Variants in MICU3 observed in about 807,000 individuals in gnomAD.
MICU3 encodes the protein mitochondrial calcium uptake 3, also known as calcium uptake protein 3, mitochondrial.
A neutral mutation model predicts 66.5 loss-of-function variants in MICU3; 62 were observed. The observed-to-expected ratio is 0.93, with a 90% CI of 0.76 to 1.15. The LOEUF is 1.15. Among genes scored for constraint, MICU3 ranks in the 50% most tolerant of loss-of-function variants. The pLI is 0.00. For missense variants in MICU3, 779 were observed against 664.4 expected (o/e 1.17, Z -1.90); for synonymous variants, 308 against 240.7 (o/e 1.28, Z -2.59).
chr8:17,030,863 G>C (rs987542859), intron 1 of MICU3, among the ~76,000 whole-genome samples: 2 of 152,092 alleles, frequency 1.3e-5, no homozygotes, highest in African/African-American at 4.8e-5. Context: ...TAGTGCCTCT[G>C]TTCTCTTAAG....
At chr8:17,047,400 T>TGG (rs1323047319) in intron 1 of MICU3, among the ~76,000 whole-genome samples, 2 of 152,172 alleles carry the variant, frequency 1.3e-5, no homozygotes, top group Non-Finnish European at 2.9e-5. Context: ...AATTCATCTA[T>TGG]TAGGGGTTAC....
chr8:17,027,289 C>A lies in MICU3; in HGVS notation c.10C>A (p.Leu4Met), dbSNP rs1210156287. The A allele has an allele frequency of 3.1e-6, 4 of 1,302,736 alleles. No individual in the cohort carries two copies. The highest frequency in any genetic ancestry group is 4.0e-6 in the Non-Finnish European group (4 of 1,007,074). The allele number at this position is 1,302,736 out of a possible 1,614,324, so 80.7% of individuals were successfully genotyped here. Residue 4 changes from leucine (L) to methionine (M), a missense_variant, in exon 1 of 15, where the codon CTG (leucine) becomes ATG (methionine). Coordinates refer to ENST00000318063, the MANE Select transcript of MICU3 (RefSeq NM_181723.3). ...GTGGGCGGCCTCCGCTATGGCTGCG[C>A]TGCGAAGGCTCTTGTGGCCGCCACC... is the stretch of plus-strand genomic sequence containing the variant. MAA[L>M]RRLLWPPPRV...
chr8:17,048,797 A>T (rs1029318750), intron 1 of MICU3, among the ~76,000 whole-genome samples: 1 of 151,980 alleles, frequency 6.6e-6, no homozygotes. Flanking sequence ...TTTTAAAAAA[A>T]TTGTAGAGAC....
the MICU3 span, among the ~76,000 whole-genome samples, chr8:17,136,944 C>T: frequency 2.0e-5 from 3 of 151,746 alleles, no homozygotes; most frequent in South Asian, 2.1e-4. Context: ...AAGTGATTCT[C>T]CTGCCTCAGC....
At chr8:17,067,594 T>C (rs188465222) in intron 2 of MICU3, among the ~76,000 whole-genome samples, 4 of 152,216 alleles carry the variant, frequency 2.6e-5, no homozygotes, top group Middle Eastern at 3.4e-3. Flanking sequence ...CATGCCCAGC[T>C]AATTTTTGTA....
intron 10 of MICU3, among the ~76,000 whole-genome samples, chr8:17,104,713 CGGCCGGGCGCGG>C (rs1801586600): frequency 8.4e-6 from 1 of 118,978 alleles, no homozygotes. Flanking sequence ...TTCCAGATAT[CGGCCGGGCGCGG>C]TGGCTCACGC....
chr8:17,090,999 G>A (rs1799986551), intron 8 of MICU3, among the ~76,000 whole-genome samples: 1 of 151,910 alleles, frequency 6.6e-6, no homozygotes, highest in Non-Finnish European at 1.5e-5. Context: ...GTGTCTTAAT[G>A]GATAGACTTT....
intron 1 of MICU3, among the ~76,000 whole-genome samples, chr8:17,055,983 G>A (rs975475681): frequency 1.3e-5 from 2 of 152,148 alleles, no homozygotes; most frequent in Admixed American, 6.5e-5. Flanking sequence ...TCACCTAACT[G>A]CCTGCCTGTA....
intron 9 of MICU3, chr8:17,102,513 G>T (rs1048788394): frequency 2.0e-5 from 3 of 151,608 alleles, no homozygotes; most frequent in African/African-American, 4.8e-5. Context: ...AAAGCTGAAG[G>T]TTAAAAAAAG....
chr8:17,031,522 C>T (rs1002327718), intron 1 of MICU3, among the ~76,000 whole-genome samples: 1 of 151,830 alleles, frequency 6.6e-6, no homozygotes, highest in Non-Finnish European at 1.5e-5. Context: ...CTCCTGACCT[C>T]AAGTTCCGCC....
At chr8:17,045,043 C>CT (rs879894331) in intron 1 of MICU3, among the ~76,000 whole-genome samples, 48 of 141,534 alleles carry the variant, frequency 3.4e-4, no homozygotes, top group South Asian at 1.4e-3. Flanking sequence ...AACCAGGGCT[C>CT]TTTTTTTTTT....
At chr8:17,067,922 C>CTGAT (rs3988332) in intron 2 of MICU3, among the ~76,000 whole-genome samples, 93,168 of 151,608 alleles carry the variant, frequency 0.61, 30,529 homozygotes, top group East Asian at 0.86. Flanking sequence ...GTTGAGATAT[C>CTGAT]TGTTGATTAT....
the MICU3 span, among the ~76,000 whole-genome samples, chr8:17,135,383 G>A: frequency 2.9e-4 from 44 of 150,106 alleles, no homozygotes; most frequent in Admixed American, 2.8e-3. Context: ...GGGCAGCAGA[G>A]CAAGACTGTC....
At chr8:17,100,278 C>G (rs983467113) in intron 9 of MICU3, among the ~76,000 whole-genome samples, 1 of 151,196 alleles carries the variant, frequency 6.6e-6, no homozygotes, top group African/African-American at 2.4e-5. Flanking sequence ...ACACTCTGAT[C>G]CAAAGCTGCT....
the MICU3 span, among the ~76,000 whole-genome samples, chr8:17,137,682 G>A: frequency 3.3e-5 from 5 of 150,394 alleles, no homozygotes; most frequent in African/African-American, 1.2e-4. Context: ...AACAGACAAG[G>A]GAAAGAGTAA....
intron 1 of MICU3, among the ~76,000 whole-genome samples, chr8:17,028,573 T>C (rs998636604): frequency 6.6e-6 from 1 of 152,208 alleles, no homozygotes; most frequent in African/African-American, 2.4e-5. Context: ...AACAGAGAGC[T>C]ATGCTGTTTC....
chr8:17,120,545 A>G lies in MICU3; in HGVS notation c.*258A>G, dbSNP rs535739713. ...TTTGCTGAACTCTCTGCACTTTTTC[A>G]TTCCCTTCAGAAGTATATAGATACT... On this transcript the variant is annotated 3_prime_UTR_variant, in exon 15 of 15. Coordinates refer to ENST00000318063, the MANE Select transcript of MICU3 (RefSeq NM_181723.3). 6.6e-6 allele frequency: 1 copy of G among 152,228 alleles called. No individual in the cohort carries two copies. Among genetic ancestry groups the G allele is most frequent in the Non-Finnish European group, 1.5e-5 (1 of 67,956 alleles). The allele number at this position is 152,228 out of a possible 1,614,324, so 9.4% of individuals were successfully genotyped here.
At chr8:17,048,223 AAAG>A (rs1177602812) in intron 1 of MICU3, among the ~76,000 whole-genome samples, 1 of 152,220 alleles carries the variant, frequency 6.6e-6, no homozygotes, top group Non-Finnish European at 1.5e-5. Flanking sequence ...AATAAAATAA[AAAG>A]AAGTCCTGGA....
intron 11 of MICU3, among the ~76,000 whole-genome samples, chr8:17,113,297 T>A (rs1239391423): frequency 6.6e-6 from 1 of 152,256 alleles, no homozygotes; most frequent in Non-Finnish European, 1.5e-5. Context: ...TTCTTAATTA[T>A]GTTAATTTGC....
Sources: gnomAD v4.1 joint callset for allele counts (sites outside exome capture counted in the v4.1 genomes callset) on GRCh38, gnomAD v4.1.1 for gene constraint, MANE v1.5 for transcripts, NCBI Gene and HGNC (gene_info 2026-07-23, HGNC 2026-07-21) for gene names.